Variants in SPOCK3 observed in about 807,000 individuals in gnomAD.
SPOCK3 encodes the protein testican-3.
In SPOCK3, 30 loss-of-function variants were observed where a neutral mutation model predicts 56.6. The observed-to-expected ratio is 0.53, with a 90% CI of 0.40 to 0.72. The LOEUF is 0.72. Among genes scored for constraint, SPOCK3 ranks in the 30% least tolerant of loss-of-function variants. The probability of loss-of-function intolerance (pLI) is 0.00; values close to 1 mark genes in which losing one functional copy is unlikely to be tolerated. For missense variants in SPOCK3, 527 were observed against 530.0 expected, an observed-to-expected ratio of 0.99 and a Z score of 0.06; for synonymous variants, 196 against 183.3, an observed-to-expected ratio of 1.07 and a Z score of -0.56.
At chr4:166,951,486 C>G (rs184685600) in intron 4 of SPOCK3, among the ~76,000 whole-genome samples, 1 of 141,968 alleles carries the variant, frequency 7.0e-6, no homozygotes, top group Admixed American at 6.8e-5. Flanking sequence ...GATTCACAGC[C>G]GAATTCTACC....
chr4:167,126,617 C>T (rs983144060), intron 2 of SPOCK3, among the ~76,000 whole-genome samples: 3 of 125,550 alleles, frequency 2.4e-5, no homozygotes, highest in African/African-American at 8.9e-5. Context: ...TTTCCAACCC[C>T]TGCAATACAA....
At chr4:167,076,679 A>G (rs1757212746) in intron 2 of SPOCK3, among the ~76,000 whole-genome samples, 1 of 151,808 alleles carries the variant, frequency 6.6e-6, no homozygotes, top group Admixed American at 6.6e-5. Context: ...TACAAAATAA[A>G]CAATTTTAAA....
At chr4:167,215,211 T>C (rs1173177652) in intron 2 of SPOCK3, among the ~76,000 whole-genome samples, 1 of 151,970 alleles carries the variant, frequency 6.6e-6, no homozygotes, top group African/African-American at 2.4e-5. Flanking sequence ...TTAACCTGGG[T>C]TGGGGTATTT....
At chr4:166,925,441 G>A (rs891311263) in intron 4 of SPOCK3, among the ~76,000 whole-genome samples, 6 of 152,140 alleles carry the variant, frequency 3.9e-5, no homozygotes, top group South Asian at 4.1e-4. Context: ...CTGAGAATAC[G>A]CTTACTAGTT....
chr4:167,050,795 A>G (rs1754128218), intron 3 of SPOCK3, among the ~76,000 whole-genome samples: 1 of 152,196 alleles, frequency 6.6e-6, no homozygotes, highest in Non-Finnish European at 1.5e-5. Flanking sequence ...AGTGAACCAC[A>G]AAAGGACAAA....
At chr4:166,855,294 T>TAAAAAA (rs914005458) in intron 6 of SPOCK3, among the ~76,000 whole-genome samples, 1 of 149,812 alleles carries the variant, frequency 6.7e-6, no homozygotes, top group Non-Finnish European at 1.5e-5. Flanking sequence ...AGACAAAAAA[T>TAAAAAA]AAAAAAAAAT....
At chr4:166,736,695 T>C (rs1343017943) in intron 10 of SPOCK3, among the ~76,000 whole-genome samples, 1 of 151,858 alleles carries the variant, frequency 6.6e-6, no homozygotes, top group Non-Finnish European at 1.5e-5. Context: ...AAAGAATTAA[T>C]TCCTGGTGTG....
chr4:166,785,801 A>G (rs562926410), intron 7 of SPOCK3, among the ~76,000 whole-genome samples: 2 of 152,264 alleles, frequency 1.3e-5, no homozygotes, highest in East Asian at 3.9e-4. Flanking sequence ...TTATGTAGCA[A>G]ATATAAGCAA....
chr4:167,100,485 T>TCA (rs1337147192), intron 2 of SPOCK3, among the ~76,000 whole-genome samples: 13 of 148,308 alleles, frequency 8.8e-5, no homozygotes, highest in African/African-American at 3.0e-4. Flanking sequence ...ATTCTCTCTC[T>TCA]CTCACACACA....
At chr4:166,948,311 A>G (rs1026540673) in intron 4 of SPOCK3, among the ~76,000 whole-genome samples, 1 of 152,246 alleles carries the variant, frequency 6.6e-6, no homozygotes, top group African/African-American at 2.4e-5. Context: ...ATAGTAGTGC[A>G]ATAAACATGG....
chr4:166,887,144 A>T (rs1266017050), intron 6 of SPOCK3, among the ~76,000 whole-genome samples: 2 of 152,342 alleles, frequency 1.3e-5, no homozygotes, highest in Middle Eastern at 3.4e-3. Context: ...TATTCACAAG[A>T]GATCCTCTTC....
At chr4:167,065,085 A>G (rs191045527) in intron 2 of SPOCK3, among the ~76,000 whole-genome samples, 2 of 150,392 alleles carry the variant, frequency 1.3e-5, no homozygotes, top group East Asian at 3.9e-4. Flanking sequence ...ATTTTTAAAT[A>G]CCTACATTTA....
At chr4:166,868,302 G>A (rs868178980) in intron 6 of SPOCK3, among the ~76,000 whole-genome samples, 6 of 147,016 alleles carry the variant, frequency 4.1e-5, no homozygotes, top group African/African-American at 7.5e-5. Context: ...GAAAAGAAAA[G>A]AAAAAAAAAA....
chr4:166,812,908 G>A (rs1743986412), intron 6 of SPOCK3, among the ~76,000 whole-genome samples: 1 of 151,858 alleles, frequency 6.6e-6, no homozygotes, highest in African/African-American at 2.4e-5. Flanking sequence ...ATGGCTTTTG[G>A]GGGGTTGGTG....
intron 4 of SPOCK3, among the ~76,000 whole-genome samples, chr4:166,977,206 G>T (rs1332604068): frequency 6.6e-6 from 1 of 151,760 alleles, no homozygotes; most frequent in Non-Finnish European, 1.5e-5. Context: ...TACATTATTA[G>T]GTTTATAATT....
intron 4 of SPOCK3, among the ~76,000 whole-genome samples, chr4:166,955,485 A>G (rs1460524687): frequency 6.8e-6 from 1 of 146,270 alleles, no homozygotes; most frequent in East Asian, 2.0e-4. Context: ...ATTTAATTAT[A>G]TTATATTATT....
At chr4:166,819,911 A>G (rs1248577604) in intron 6 of SPOCK3, among the ~76,000 whole-genome samples, 1 of 151,956 alleles carries the variant, frequency 6.6e-6, no homozygotes, top group Non-Finnish European at 1.5e-5. Flanking sequence ...TCGTAGAGAC[A>G]GAGTCTAGCT....
At position 166,749,341 on chromosome 4, in the gene SPOCK3, C is replaced by G. The variant is rs6834613; in HGVS notation, c.931+5167G>C. Among the ~76,000 whole-genome samples, 87 of 112,350 alleles carry G rather than the reference C, an allele frequency of 7.7e-4. 14 individuals are homozygous for G. The highest frequency in any genetic ancestry group is 2.3e-3 in the Admixed American group (29 of 12,406). The allele number at this position is 112,350 out of a possible 152,430, so 73.7% of individuals were successfully genotyped here. A position where few individuals can be genotyped will look rare whatever the true frequency, so the allele number is the denominator to read the frequency against. On this transcript the variant is annotated intron_variant, in intron 8 of 10. Coordinates refer to ENST00000357545, the MANE Select transcript of SPOCK3 (RefSeq NM_001040159.2). ...GATGAGTTCATGTCCTTTGTAGGGACATGGATGAAGCTGGAAACTATCATT... is the reference window on the plus strand; with the variant it reads ...GATGAGTTCATGTCCTTTGTAGGGAGATGGATGAAGCTGGAAACTATCATT...
intron 2 of SPOCK3, among the ~76,000 whole-genome samples, chr4:167,097,747 C>T (rs80306920): frequency 0.019 from 2,886 of 151,920 alleles, 79 homozygotes; most frequent in African/African-American, 0.065. Context: ...CATGCACACT[C>T]ATGTCATCAC....
Sources: gnomAD v4.1 joint callset for allele counts (sites outside exome capture counted in the v4.1 genomes callset) on GRCh38, gnomAD v4.1.1 for gene constraint, MANE v1.5 for transcripts, NCBI Gene and HGNC (gene_info 2026-07-23, HGNC 2026-07-21) for gene names.